Variants in PDGFD observed in about 807,000 individuals in gnomAD.
PDGFD encodes platelet derived growth factor D.
PDGFD carries 30 observed loss-of-function variants against 44.7 expected under a neutral mutation model. That is an observed-to-expected ratio of 0.67 (90% CI 0.50 to 0.91). The LOEUF (loss-of-function observed/expected upper bound fraction) is 0.91, where lower values mean the gene tolerates loss of function less well. Ranked by LOEUF, PDGFD falls within the 40% of genes least tolerant of loss-of-function variation. PDGFD has a pLI of 0.00. For synonymous variants in PDGFD, 173 were observed against 168.4 expected (o/e 1.03, Z -0.21); for missense variants, 445 against 457.8 (o/e 0.97, Z 0.25).
chr11:104,046,899 A>AC (rs1318068765), intron 1 of PDGFD, among the ~76,000 whole-genome samples: 2 of 144,100 alleles, frequency 1.4e-5, no homozygotes, highest in Non-Finnish European at 1.5e-5. Flanking sequence ...CTAGCCCTCC[A>AC]CCCCCGACAG....
At chr11:104,012,665 A>C (rs751915026) in intron 1 of PDGFD, among the ~76,000 whole-genome samples, 1 of 152,188 alleles carries the variant, frequency 6.6e-6, no homozygotes, top group Non-Finnish European at 1.5e-5. Flanking sequence ...ATTAGTTAGG[A>C]AAGGACAGAT....
At chr11:104,009,316 A>T (rs1337121443) in intron 1 of PDGFD, among the ~76,000 whole-genome samples, 1 of 152,128 alleles carries the variant, frequency 6.6e-6, no homozygotes, top group Non-Finnish European at 1.5e-5. Flanking sequence ...ATTAAGCAAT[A>T]TACAAAATCG....
At chr11:104,007,581 C>T (rs540875475) in intron 1 of PDGFD, among the ~76,000 whole-genome samples, 21 of 152,310 alleles carry the variant, frequency 1.4e-4, no homozygotes, top group African/African-American at 5.1e-4. Flanking sequence ...TACAGACATG[C>T]CCTTTTTCTC....
At chr11:104,118,894 TATA>T (rs1247173890) in intron 1 of PDGFD, among the ~76,000 whole-genome samples, 4 of 93,962 alleles carry the variant, frequency 4.3e-5, no homozygotes, top group Non-Finnish European at 5.7e-5. Context: ...TATTATTATG[TATA>T]ATATTAAGTA....
chr11:104,037,776 C>T, intron 1 of PDGFD: 2 of 1,614,162 alleles, frequency 1.2e-6, no homozygotes, highest in Non-Finnish European at 1.7e-6. Context: ...AGTGCTCTTT[C>T]TCCATACTTG....
intron 1 of PDGFD, among the ~76,000 whole-genome samples, chr11:104,108,332 T>C (rs1366195964): frequency 1.3e-5 from 2 of 149,036 alleles, no homozygotes; most frequent in Non-Finnish European, 3.0e-5. Context: ...ATCCAGTATC[T>C]ACAAAGAACT....
intron 3 of PDGFD, among the ~76,000 whole-genome samples, chr11:103,979,826 A>T (rs1261578143): frequency 2.0e-5 from 3 of 152,024 alleles, no homozygotes; most frequent in African/African-American, 7.2e-5. Flanking sequence ...GCATATATAC[A>T]TTTTTTTGTT....
intron 1 of PDGFD, among the ~76,000 whole-genome samples, chr11:104,068,185 C>T (rs1860820202): frequency 6.6e-6 from 1 of 152,086 alleles, no homozygotes; most frequent in African/African-American, 2.4e-5. Flanking sequence ...ATACCCACAC[C>T]TTATATGGTG....
intron 1 of PDGFD, among the ~76,000 whole-genome samples, chr11:104,103,472 A>G (rs868562294): frequency 0.061 from 8,020 of 131,878 alleles, 306 homozygotes; most frequent in African/African-American, 0.12. Context: ...GTATATATAT[A>G]TATATATATA....
chr11:103,945,356 T>C (rs971042061), intron 4 of PDGFD, among the ~76,000 whole-genome samples: 6 of 152,172 alleles, frequency 3.9e-5, no homozygotes, highest in Non-Finnish European at 5.9e-5. Context: ...TTTCTGTCTT[T>C]CACATCTCTC....
chr11:103,933,491 G>A (rs902881429), intron 5 of PDGFD, among the ~76,000 whole-genome samples: 2 of 152,148 alleles, frequency 1.3e-5, no homozygotes, highest in Non-Finnish European at 2.9e-5. Flanking sequence ...ACTGAATTTT[G>A]TGACTCCACA....
chr11:104,137,020 C>G (rs1004323124), intron 1 of PDGFD, among the ~76,000 whole-genome samples: 10 of 151,886 alleles, frequency 6.6e-5, no homozygotes, highest in Non-Finnish European at 1.3e-4. Flanking sequence ...TTATCAGTGA[C>G]TGTGCTCAGG....
chr11:104,117,199 T>G lies in PDGFD; in HGVS notation c.124+46605A>C, dbSNP rs987415920. Among the ~76,000 whole-genome samples, 6 of 151,968 alleles carry G rather than the reference T, an allele frequency of 3.9e-5. 1 individual carries two copies. The highest frequency in any genetic ancestry group is 6.6e-5 in the Admixed American group (1 of 15,198). On this transcript the variant is annotated intron_variant, in intron 1 of 6. Transcript: ENST00000393158. ...TCCACCATCCCTTTATGATTAAAAC[T>G]CTCAGCAAAATCGACATACAAGGGA...
At chr11:104,121,789 G>A (rs965482273) in intron 1 of PDGFD, among the ~76,000 whole-genome samples, 2 of 151,962 alleles carry the variant, frequency 1.3e-5, no homozygotes, top group African/African-American at 4.8e-5. Flanking sequence ...GATGAGAAAC[G>A]TGAGACTCAT....
At chr11:104,007,869 T>C (rs1859728298) in intron 1 of PDGFD, among the ~76,000 whole-genome samples, 1 of 149,748 alleles carries the variant, frequency 6.7e-6, no homozygotes, top group Non-Finnish European at 1.5e-5. Context: ...TGCAGTATAG[T>C]TTATAAACAC....
chr11:104,141,124 T>C (rs1480414566), intron 1 of PDGFD, among the ~76,000 whole-genome samples: 1 of 152,212 alleles, frequency 6.6e-6, no homozygotes, highest in Non-Finnish European at 1.5e-5. Flanking sequence ...ATGCCTTCTC[T>C]TTCCTGCCTT....
At chr11:104,118,308 C>T (rs930424133) in intron 1 of PDGFD, among the ~76,000 whole-genome samples, 1 of 151,760 alleles carries the variant, frequency 6.6e-6, no homozygotes. Flanking sequence ...GCTTGCTTCT[C>T]CTCTCTACTC....
rs1282369319 is a variant in PDGFD, at chr11:103,907,873, T to C, written c.*1821A>G. 1.3e-5 allele frequency: 2 copies of C among 152,108 alleles called. No homozygotes were observed. The highest frequency in any genetic ancestry group is 2.9e-5 in the Non-Finnish European group (2 of 68,018). The allele number at this position is 152,108 out of a possible 1,614,324, so 9.4% of individuals were successfully genotyped here. ...GATTTTAGAGAATTGAACAATAGAG[T>C]ATTTAATTTTACCACTCCCCTCTTG... On this transcript the variant is annotated 3_prime_UTR_variant, in exon 7 of 7. Coordinates refer to ENST00000393158, the MANE Select transcript of PDGFD (RefSeq NM_025208.5).
chr11:103,960,153 C>T (rs755351771), intron 3 of PDGFD, among the ~76,000 whole-genome samples: 10 of 152,192 alleles, frequency 6.6e-5, no homozygotes, highest in Admixed American at 2.6e-4. Flanking sequence ...TGCAAATTTA[C>T]TGCCATATTC....
Sources: gnomAD v4.1 joint callset for allele counts (sites outside exome capture counted in the v4.1 genomes callset) on GRCh38, gnomAD v4.1.1 for gene constraint, MANE v1.5 for transcripts, NCBI Gene and HGNC (gene_info 2026-07-23, HGNC 2026-07-21) for gene names.